MARCHF11: variants seen among roughly 807,000 people sequenced by gnomAD.
MARCHF11 encodes E3 ubiquitin-protein ligase MARCHF11.
In MARCHF11, 29 loss-of-function variants were observed where a neutral mutation model predicts 37.3. That is an observed-to-expected ratio of 0.78 (90% confidence interval 0.58 to 1.06). The LOEUF is 1.06. Ranked by LOEUF, MARCHF11 falls within the 50% of genes least tolerant of loss-of-function variation. The pLI, the probability that MARCHF11 is intolerant of heterozygous loss-of-function variation, is 0.00. For synonymous variants in MARCHF11, 233 were observed against 228.0 expected (o/e 1.02, Z -0.20); for missense variants, 482 against 533.4 (o/e 0.90, Z 0.95).
chr5:16,086,607 A>C (rs1736702693), intron 3 of MARCHF11, among the ~76,000 whole-genome samples: 1 of 152,202 alleles, frequency 6.6e-6, no homozygotes, highest in African/African-American at 2.4e-5. Context: ...TATTTTGCAA[A>C]TACCACTGAC....
intron 3 of MARCHF11, among the ~76,000 whole-genome samples, chr5:16,082,770 T>C (rs572625086): frequency 6.6e-6 from 1 of 152,318 alleles, no homozygotes; most frequent in Admixed American, 6.5e-5. Context: ...GTGTTTAAAG[T>C]GAGCTTCATT....
At chr5:16,106,663 CAGG>C (rs1737045480) in intron 2 of MARCHF11, among the ~76,000 whole-genome samples, 1 of 152,176 alleles carries the variant, frequency 6.6e-6, no homozygotes, top group Non-Finnish European at 1.5e-5. Flanking sequence ...ACCCTATCAC[CAGG>C]AGGTGTTTGA....
intron 3 of MARCHF11, among the ~76,000 whole-genome samples, chr5:16,079,920 CA>C (rs2126548715): frequency 6.6e-6 from 1 of 152,296 alleles, no homozygotes; most frequent in East Asian, 1.9e-4. Flanking sequence ...CTCGTCTCTT[CA>C]GTCCCAGGGA....
At chr5:16,168,420 T>A (rs1353450757) in intron 2 of MARCHF11, among the ~76,000 whole-genome samples, 2 of 152,142 alleles carry the variant, frequency 1.3e-5, no homozygotes, top group African/African-American at 4.8e-5. Context: ...CATGTTTTAA[T>A]GTCTTTCAAT....
chr5:16,142,884 CTTTTTTTTTTT>C (rs61225598), intron 2 of MARCHF11, among the ~76,000 whole-genome samples: 4 of 52,212 alleles, frequency 7.7e-5, no homozygotes, highest in Admixed American at 7.2e-4. Flanking sequence ...CCACACCTGG[CTTTTTTTTTTT>C]TTTTTTTTTT....
At chr5:16,091,844 C>T (rs1259838355) in intron 2 of MARCHF11, among the ~76,000 whole-genome samples, 1 of 152,180 alleles carries the variant, frequency 6.6e-6, no homozygotes, top group Non-Finnish European at 1.5e-5. Context: ...AAAAATCCTT[C>T]AAGACTGCTA....
intron 2 of MARCHF11, among the ~76,000 whole-genome samples, chr5:16,148,362 C>A (rs544696759): frequency 6.6e-6 from 1 of 152,206 alleles, no homozygotes; most frequent in South Asian, 2.1e-4. Flanking sequence ...AATTCAGTGG[C>A]TACATGGGAT....
At chr5:16,159,740 C>T (rs560132425) in intron 2 of MARCHF11, among the ~76,000 whole-genome samples, 3 of 151,826 alleles carry the variant, frequency 2.0e-5, no homozygotes, top group Admixed American at 6.6e-5. Context: ...GCTCATTCTC[C>T]ATACATCCTC....
chr5:16,071,785 C>A (rs938693547), intron 3 of MARCHF11, among the ~76,000 whole-genome samples: 1 of 152,140 alleles, frequency 6.6e-6, no homozygotes, highest in African/African-American at 2.4e-5. Flanking sequence ...TATTGTGTTA[C>A]CAGTCTCAGC....
At chr5:16,080,836 C>T (rs974134905) in intron 3 of MARCHF11, among the ~76,000 whole-genome samples, 2 of 152,260 alleles carry the variant, frequency 1.3e-5, no homozygotes, top group South Asian at 2.1e-4. Flanking sequence ...TATGTTTCCA[C>T]GCTACCAAAC....
intron 3 of MARCHF11, among the ~76,000 whole-genome samples, chr5:16,077,764 T>C (rs529327326): frequency 2.6e-5 from 4 of 152,318 alleles, no homozygotes; most frequent in East Asian, 1.9e-4. Flanking sequence ...ATTCTTTACA[T>C]AGATAATTCT....
chr5:16,155,665 G>A (rs991852407), intron 2 of MARCHF11, among the ~76,000 whole-genome samples: 2 of 151,780 alleles, frequency 1.3e-5, no homozygotes, highest in African/African-American at 2.4e-5. Context: ...TGGTACAACC[G>A]AAGCACCTAA....
chr5:16,154,404 T>C (rs1325154775), intron 2 of MARCHF11, among the ~76,000 whole-genome samples: 2 of 151,988 alleles, frequency 1.3e-5, no homozygotes, highest in African/African-American at 2.4e-5. Flanking sequence ...GTCTCAGTAA[T>C]ACTGAAAGAC....
intron 2 of MARCHF11, among the ~76,000 whole-genome samples, chr5:16,106,734 C>A (rs1167851807): frequency 6.6e-6 from 1 of 152,072 alleles, no homozygotes; most frequent in Non-Finnish European, 1.5e-5. Context: ...TGACATCTAG[C>A]GGGTAGAGGC....
intron 2 of MARCHF11, among the ~76,000 whole-genome samples, chr5:16,124,368 TTC>T (rs2126579326): frequency 6.6e-6 from 1 of 152,254 alleles, no homozygotes; most frequent in African/African-American, 2.4e-5. Flanking sequence ...TGAAATTGAT[TTC>T]TGTTATGGAA....
At chr5:16,074,501 C>T (rs1328533427) in intron 3 of MARCHF11, among the ~76,000 whole-genome samples, 3 of 152,112 alleles carry the variant, frequency 2.0e-5, no homozygotes, top group Admixed American at 1.3e-4. Context: ...AGACCATTAG[C>T]GAGATTAACC....
At chr5:16,109,597 G>C (rs1398681016) in intron 2 of MARCHF11, among the ~76,000 whole-genome samples, 1 of 152,214 alleles carries the variant, frequency 6.6e-6, no homozygotes, top group East Asian at 1.9e-4. Context: ...GAAAACATAA[G>C]TAAAGTGTTT....
At chr5:16,139,173 T>A (rs991287829) in intron 2 of MARCHF11, among the ~76,000 whole-genome samples, 1 of 152,186 alleles carries the variant, frequency 6.6e-6, no homozygotes, top group Non-Finnish European at 1.5e-5. Context: ...GCTTCCATAA[T>A]ACCCCCATGT....
chr5:16,175,279 G>A (rs913781651), intron 2 of MARCHF11, among the ~76,000 whole-genome samples: 1 of 152,220 alleles, frequency 6.6e-6, no homozygotes, highest in South Asian at 2.1e-4. Flanking sequence ...TAAGTATTGA[G>A]GTGGTTTATT....
Sources: allele counts gnomAD v4.1 joint callset (sites outside exome capture counted in the v4.1 genomes callset), GRCh38; gene constraint gnomAD v4.1.1; transcripts MANE v1.5; gene names NCBI Gene and HGNC (gene_info 2026-07-23, HGNC 2026-07-21).